Variants in SNRPN observed in about 807,000 individuals in gnomAD.
SNRPN encodes small nuclear ribonucleoprotein-associated protein N.
Under a neutral mutation model 25.2 loss-of-function variants are expected in SNRPN, and 7 were observed. The observed-to-expected ratio is 0.28, with a 90% CI of 0.16 to 0.52. The LOEUF is 0.52. Among genes scored for constraint, SNRPN ranks in the 20% least tolerant of loss-of-function variants. The pLI, the probability that SNRPN is intolerant of heterozygous loss-of-function variation, is 0.96. For synonymous variants in SNRPN, 124 were observed against 110.6 expected (o/e 1.12, Z -0.76); for missense variants, 196 against 322.5 (o/e 0.61, Z 3.00).
rs151007498 is a variant in SNRPN at position 24,894,454 on chromosome 15, C to T, written c.-505+7865C>T. 1.1e-4 allele frequency among the ~76,000 whole-genome samples: 16 copies of T among 152,204 alleles called. No individual in the cohort carries two copies. The East Asian group carries it at 2.7e-3, about 26-fold the overall frequency. The stretch of plus-strand genomic sequence containing the variant: ...AGGATGTGTCTTGATCTCCTGACCT[C>T]GTGATCCGCCCGCCTCGGCCTCCCA... On this transcript the variant is annotated intron_variant, in intron 2 of 11. Transcript: ENST00000400097.
chr15:24,882,823 C>CAAAAAAAAAAAAA (rs10543501), intron 1 of SNRPN, among the ~76,000 whole-genome samples: 5 of 127,156 alleles, frequency 3.9e-5, no homozygotes, highest in African/African-American at 1.5e-4. Flanking sequence ...GACTCCATCT[C>CAAAAAAAAAAAAA]AAAAAAAAAA....
At chr15:24,928,387 A>T (rs908252536) in intron 3 of SNRPN, among the ~76,000 whole-genome samples, 13 of 151,698 alleles carry the variant, frequency 8.6e-5, no homozygotes, top group Non-Finnish European at 1.8e-4. Flanking sequence ...ATGGAATACT[A>T]TTTAGCCATA....
chr15:24,959,108 T>C (rs2074360311), intron 1 of SNRPN, among the ~76,000 whole-genome samples: 1 of 152,218 alleles, frequency 6.6e-6, no homozygotes, highest in Non-Finnish European at 1.5e-5. Context: ...CTTTTTGCTT[T>C]TCAATATATT....
At chr15:24,849,468 G>A (rs2052598477) in intron 2 of SNRPN, 1 of 152,326 alleles carries the variant, frequency 6.6e-6, no homozygotes, top group African/African-American at 2.4e-5. Context: ...TGATCACACA[G>A]GAATAAACGG....
At chr15:24,895,440 C>T (rs908215332) in intron 2 of SNRPN, among the ~76,000 whole-genome samples, 9 of 140,220 alleles carry the variant, frequency 6.4e-5, no homozygotes, top group African/African-American at 1.3e-4. Flanking sequence ...CACACACACA[C>T]GGACAACACA....
At position 24,949,539 on chromosome 15, in the gene SNRPN, T is replaced by C. The variant is rs546243651; in HGVS notation, c.-390-12575T>C. 3.6e-4 allele frequency among the ~76,000 whole-genome samples: 55 copies of C among 152,164 alleles called. No homozygotes were observed. The Middle Eastern group carries it at 0.017, about 47-fold the overall frequency. On this transcript the variant is annotated intron_variant, in intron 3 of 11. Coordinates refer to the SNRPN transcript ENST00000400097. ...GGTGGTGCATGCCTGTAGTCCCAGC[T>C]ACTAAGGAAGCTGAGGTGGGAGGAT...
At chr15:24,849,264 C>T (rs1231045158) in intron 2 of SNRPN, 1 of 152,270 alleles carries the variant, frequency 6.6e-6, no homozygotes, top group East Asian at 1.9e-4. Flanking sequence ...CTAGGTCATG[C>T]TTTTCTGTGT....
chr15:24,966,274 A>G (rs967495101), intron 2 of SNRPN, among the ~76,000 whole-genome samples: 14 of 148,072 alleles, frequency 9.5e-5, no homozygotes, highest in Admixed American at 9.2e-4. Flanking sequence ...AGAAAGTGCT[A>G]TACTTACTAG....
intron 2 of SNRPN, among the ~76,000 whole-genome samples, chr15:24,896,695 CAGAGCGAGACTCCGTCTAAAAAA>C (rs2058099881): frequency 6.6e-6 from 1 of 151,550 alleles, no homozygotes; most frequent in African/African-American, 2.4e-5. Flanking sequence ...GCCTGGGCAA[CAGAGCGAGACTCCGTCTAAAAAA>C]AAAATGGCTC....
chr15:24,922,604 T>G (rs2060095400), intron 3 of SNRPN, among the ~76,000 whole-genome samples: 1 of 152,204 alleles, frequency 6.6e-6, no homozygotes, highest in Non-Finnish European at 1.5e-5. Context: ...CGTGATTACA[T>G]ACTTAAGCTA....
intron 1 of SNRPN, among the ~76,000 whole-genome samples, chr15:24,865,090 AG>A (rs1286784245): frequency 7.3e-6 from 1 of 136,588 alleles, no homozygotes; most frequent in Non-Finnish European, 1.6e-5. Flanking sequence ...TCTGTCCCCC[AG>A]GCTGGAGTGC....
intron 1 of SNRPN, among the ~76,000 whole-genome samples, chr15:24,864,872 T>A (rs1028044453): frequency 2.0e-5 from 3 of 152,108 alleles, no homozygotes; most frequent in Non-Finnish European, 4.4e-5. Flanking sequence ...TTGATTTCTA[T>A]CTTAATTTTA....
At chr15:24,852,175 G>A (rs1338990296), upstream of SNRPN, 1 of 152,108 alleles carries the variant, frequency 6.6e-6, no homozygotes, top group Non-Finnish European at 1.5e-5. Context: ...TGTATGCTTG[G>A]GGTGTTGTGT....
At chr15:24,873,863 C>G (rs1043593600) in intron 1 of SNRPN, among the ~76,000 whole-genome samples, 2 of 152,054 alleles carry the variant, frequency 1.3e-5, no homozygotes, top group African/African-American at 2.4e-5. Context: ...TGCAGCTGAT[C>G]TAGACCACAT....
intron 9 of SNRPN, 36 bp downstream of exon 9, chr15:24,978,354 G>C (rs765945769): frequency 2.0e-5 from 32 of 1,613,826 alleles, no homozygotes; most frequent in Middle Eastern, 1.6e-4. Context: ...GGTTCAGCCA[G>C]GCCCCTGAAT....
In SNRPN at chr15:24,977,936, G is replaced by T. The variant is rs1272255633; in HGVS notation, c.559+20G>T. On this transcript the variant is annotated intron_variant, in intron 8 of 9. Coordinates refer to ENST00000390687, the MANE Select transcript of SNRPN (RefSeq NM_003097.6). ...CTCCAGGTAAGGGATTGGTGAACAC[G>T]AAGACGAACTTGAATCTCTGATGAG... 1 of 1,537,044 alleles carries T rather than the reference G, an allele frequency of 6.5e-7. No homozygotes were observed. Among genetic ancestry groups the T allele is most frequent in the African/African-American group, 1.4e-5 (1 of 72,336 alleles).
intron 1 of SNRPN, among the ~76,000 whole-genome samples, chr15:24,876,091 T>TAAAAAAAAAAAAAAAAAAAA: frequency 6.6e-6 from 1 of 151,848 alleles, no homozygotes; most frequent in South Asian, 2.1e-4. Flanking sequence ...ATAAAAATTT[T>TAAAAAAAAAAAAAAAAAAAA]AAAAATAAGG....
At chr15:24,889,389 G>A (rs1489131203) in intron 2 of SNRPN, among the ~76,000 whole-genome samples, 4 of 151,026 alleles carry the variant, frequency 2.6e-5, no homozygotes, top group African/African-American at 9.7e-5. Flanking sequence ...TGCAAGCTCC[G>A]CCTCCCGGGT....
At chr15:24,916,406 G>T (rs1162925042) in intron 2 of SNRPN, among the ~76,000 whole-genome samples, 1 of 151,942 alleles carries the variant, frequency 6.6e-6, no homozygotes, top group Non-Finnish European at 1.5e-5. Context: ...GATCAGATAG[G>T]TACATAAGCT....
Sources: allele counts gnomAD v4.1 joint callset (sites outside exome capture counted in the v4.1 genomes callset), GRCh38; gene constraint gnomAD v4.1.1; transcripts MANE v1.5; gene names NCBI Gene and HGNC (gene_info 2026-07-23, HGNC 2026-07-21).